SMIM43: variants seen among roughly 807,000 people sequenced by gnomAD.
SMIM43 encodes the protein small integral membrane protein 43, also known as Nodal Enhanced MEsendoderm Peptide.
chr4:121,760,058 G>A lies in SMIM43; in HGVS notation c.*916C>T, dbSNP rs184389984. 5 of 406,014 alleles carry A rather than the reference G, an allele frequency of 1.2e-5. No individual in the cohort carries two copies. The East Asian group carries it at 2.6e-4, about 21-fold the overall frequency. The allele number at this position is 406,014 out of a possible 1,614,324, so 25.2% of individuals were successfully genotyped here. A position where few individuals can be genotyped will look rare whatever the true frequency, so the allele number is the denominator to read the frequency against. On this transcript the variant is annotated 3_prime_UTR_variant, in exon 6 of 6. Transcript: ENST00000643802. ...AGAGTTTTGTGAGAACACCTGACAT[G>A]CCTTCACTCTGCTCACTCTGTCAGA...
rs780379584 is a variant in SMIM43, at chr4:121,761,880, C to T, written c.*291G>A. The T allele has an allele frequency of 3.1e-6, 5 of 1,607,046 alleles. No individual in the cohort carries two copies. The South Asian group carries it at 4.5e-5, about 14-fold the overall frequency. On this transcript the variant is annotated 3_prime_UTR_variant, in exon 4 of 6. Transcript: ENST00000643802. ...AAGATTGTCCTGATAAGATCTGAAGCCATTTTGAACACCTGAAATTTAGAA... is the reference window on the plus strand; with the variant it reads ...AAGATTGTCCTGATAAGATCTGAAGTCATTTTGAACACCTGAAATTTAGAA...
intron 5 of SMIM43, among the ~76,000 whole-genome samples, chr4:121,760,895 G>GA (rs1560608146): frequency 2.0e-5 from 3 of 151,886 alleles, no homozygotes; most frequent in African/African-American, 4.8e-5. Context: ...TACTATTAAG[G>GA]AAAAAAACAA....
At position 121,760,265 on chromosome 4, in the gene SMIM43, T is replaced by C. The variant is rs931407523; in HGVS notation, c.*709A>G. 1.3e-6 allele frequency: 2 copies of C among 1,580,322 alleles called. No individual in the cohort carries two copies. Among genetic ancestry groups the C allele is most frequent in the Admixed American group, 1.9e-5 (1 of 53,454 alleles). On this transcript the variant is annotated 3_prime_UTR_variant, in exon 6 of 6. Transcript: ENST00000643802. Reference sequence around the variant, plus strand: ...AAACTGGATTTTTGTCAAAGGCAGTTATATATCCAGCTACAAAAACTACAT... The same window carrying C: ...AAACTGGATTTTTGTCAAAGGCAGTCATATATCCAGCTACAAAAACTACAT...
intron 3 of SMIM43, 114 bp from the exon 4 acceptor site, chr4:121,762,006 C>T: frequency 1.1e-6 from 1 of 885,118 alleles, no homozygotes; most frequent in Non-Finnish European, 1.7e-6. Context: ...CACCTTCTAA[C>T]ATTGCTGAAG....
chr4:121,760,971 T>C (rs1726029133), intron 5 of SMIM43, among the ~76,000 whole-genome samples: 1 of 152,176 alleles, frequency 6.6e-6, no homozygotes, highest in South Asian at 2.1e-4. Flanking sequence ...GATTACTGGG[T>C]CTGAACGCCC....
chr4:121,763,615 A>G (rs1235353489), intron 2 of SMIM43, 149 bp downstream of exon 2: 1 of 152,204 alleles, frequency 6.6e-6, no homozygotes, highest in Non-Finnish European at 1.5e-5. Context: ...TGGATCTGGT[A>G]GAAGCTCACC....
rs945928015 is a variant in SMIM43, at chr4:121,760,336, G to C, written c.*638C>G. ...TAGCAGTAGCCAATGACACAGTTCT[G>C]GCCAATGAGATGAAGGCAAAAGTTA... On this transcript the variant is annotated 3_prime_UTR_variant, in exon 6 of 6. Coordinates refer to ENST00000643802, the MANE Select transcript of SMIM43 (RefSeq NM_001384332.1). 4 of 1,613,824 alleles carry C rather than the reference G, an allele frequency of 2.5e-6. No individual in the cohort carries two copies. The highest frequency in any genetic ancestry group is 1.7e-5 in the Admixed American group (1 of 59,952).
At chr4:121,762,083 T>C (rs1300568469) in intron 3 of SMIM43, among the ~76,000 whole-genome samples, 191 bp from the exon 4 acceptor site, 1 of 152,238 alleles carries the variant, frequency 6.6e-6, no homozygotes, top group African/African-American at 2.4e-5. Context: ...TACATTTATA[T>C]AATAAGCAGT....
intron 3 of SMIM43, 25 bp from the exon 4 acceptor site, chr4:121,761,917 A>G: frequency 1.3e-6 from 2 of 1,550,762 alleles, no homozygotes; most frequent in Non-Finnish European, 1.8e-6. Context: ...CAATGATGAA[A>G]TAATAACATT....
chr4:121,761,975 T>A, intron 3 of SMIM43, 83 bp from the exon 4 acceptor site: 1 of 1,213,372 alleles, frequency 8.2e-7, no homozygotes, highest in Non-Finnish European at 1.1e-6. Flanking sequence ...CTCATTTCCT[T>A]ATAATGTAAG....
intron 1 of SMIM43, chr4:121,764,288 C>T (rs1238758253): frequency 6.6e-6 from 1 of 152,168 alleles, no homozygotes; most frequent in Non-Finnish European, 1.5e-5. Context: ...GGATTCCTCC[C>T]TCCAAATGGA....
At chr4:121,762,295 A>G (rs1331881605) in intron 3 of SMIM43, among the ~76,000 whole-genome samples, 1 of 152,198 alleles carries the variant, frequency 6.6e-6, no homozygotes, top group Non-Finnish European at 1.5e-5. Context: ...AAAGGTGGCC[A>G]AAATTGTGAG....
intron 2 of SMIM43, among the ~76,000 whole-genome samples, chr4:121,763,518 A>G (rs763777419): frequency 6.6e-6 from 1 of 152,178 alleles, no homozygotes; most frequent in Non-Finnish European, 1.5e-5. Flanking sequence ...TTAAAAGTGC[A>G]AACACTCCTG....
chr4:121,760,244 T>C lies in SMIM43; in HGVS notation c.*730A>G. 1.3e-6 allele frequency: 2 copies of C among 1,539,028 alleles called. No individual in the cohort carries two copies. Among genetic ancestry groups the C allele is most frequent in the Non-Finnish European group, 1.7e-6 (2 of 1,146,352 alleles). On this transcript the variant is annotated 3_prime_UTR_variant, in exon 6 of 6. Coordinates refer to ENST00000643802, the MANE Select transcript of SMIM43 (RefSeq NM_001384332.1). ...CATCTTCTTCTTCATCAAGAGAAAC[T>C]GGATTTTTGTCAAAGGCAGTTATAT...
At position 121,761,866 on chromosome 4, in the gene SMIM43, G is replaced by C. The variant is rs758905329; in HGVS notation, c.*305C>G. 5.6e-6 allele frequency: 9 copies of C among 1,611,552 alleles called. No individual in the cohort carries two copies. The highest frequency in any genetic ancestry group is 7.6e-6 in the Non-Finnish European group (9 of 1,179,274). ...TTAGTGCAACAGCCAAGATTGTCCTGATAAGATCTGAAGCCATTTTGAACA... is the reference window on the plus strand; with the variant it reads ...TTAGTGCAACAGCCAAGATTGTCCTCATAAGATCTGAAGCCATTTTGAACA... On this transcript the variant is annotated 3_prime_UTR_variant, in exon 4 of 6. Coordinates refer to ENST00000643802, the MANE Select transcript of SMIM43 (RefSeq NM_001384332.1).
In SMIM43 at chr4:121,760,324, T is replaced by C; in HGVS notation, c.*650A>G. 4.3e-6 allele frequency: 7 copies of C among 1,612,520 alleles called. No homozygotes were observed. Among genetic ancestry groups the C allele is most frequent in the Non-Finnish European group, 5.9e-6 (7 of 1,179,616 alleles). ...CAATCTTGCAGATAGCAGTAGCCAA[T>C]GACACAGTTCTGGCCAATGAGATGA... On this transcript the variant is annotated 3_prime_UTR_variant, in exon 6 of 6. Coordinates refer to ENST00000643802, the MANE Select transcript of SMIM43 (RefSeq NM_001384332.1).
intron 1 of SMIM43, 98 bp downstream of exon 1, chr4:121,764,719 C>G: frequency 5.1e-6 from 2 of 391,974 alleles, no homozygotes; most frequent in Non-Finnish European, 4.5e-6. Context: ...CCCTGGCACC[C>G]GAACGCGCTG....
chr4:121,760,379 C>T lies in SMIM43; in HGVS notation c.*595G>A. ...AAAAGTTATTGGGCTGCTGAGGAAGCTCTTTAAAAGGAAGTGGATTTGAAC... is the reference window on the plus strand; with the variant it reads ...AAAAGTTATTGGGCTGCTGAGGAAGTTCTTTAAAAGGAAGTGGATTTGAAC... On this transcript the variant is annotated 3_prime_UTR_variant, in exon 6 of 6. Transcript: ENST00000643802. The T allele has an allele frequency of 1.2e-6, 2 of 1,607,200 alleles. No homozygotes were observed. Among genetic ancestry groups the T allele is most frequent in the Non-Finnish European group, 1.7e-6 (2 of 1,176,238 alleles).
rs776283600 is a variant in SMIM43, at chr4:121,760,243, CTGGATTT to C, written c.*724_*730del. On this transcript the variant is annotated 3_prime_UTR_variant, in exon 6 of 6. Transcript: ENST00000643802. ...TCATCTTCTTCTTCATCAAGAGAAACTGGATTTTTGTCAAAGGCAGTTATATATCCAG... is the reference window on the plus strand; with the variant it reads ...TCATCTTCTTCTTCATCAAGAGAAACTTGTCAAAGGCAGTTATATATCCAG... 31 of 1,537,346 alleles carry C rather than the reference CTGGATTT, an allele frequency of 2.0e-5. No individual in the cohort carries two copies. The Middle Eastern group carries it at 7.0e-4, about 35-fold the overall frequency.
Sources: gnomAD v4.1 joint callset for allele counts (sites outside exome capture counted in the v4.1 genomes callset) on GRCh38, gnomAD v4.1.1 for gene constraint, MANE v1.5 for transcripts, NCBI Gene and HGNC (gene_info 2026-07-23, HGNC 2026-07-21) for gene names.